ZNF324B: variants seen among roughly 807,000 people sequenced by gnomAD.
ZNF324B encodes zinc finger protein 324B.
ZNF324B carries 7 observed loss-of-function variants against 10.6 expected under a neutral mutation model. That is an observed-to-expected ratio of 0.66 (90% confidence interval 0.38 to 1.24). The LOEUF (loss-of-function observed/expected upper bound fraction) is 1.24, where lower values mean the gene tolerates loss of function less well. Among genes scored for constraint, ZNF324B ranks in the 50% most tolerant of loss-of-function variants. ZNF324B has a pLI of 0.02. For missense variants in ZNF324B, 640 were observed against 764.7 expected (o/e 0.84, Z 1.92); for synonymous variants, 316 against 321.0 (o/e 0.98, Z 0.17).
the ZNF324B span, chr19:58,434,389 C>T: frequency 1.9e-6 from 3 of 1,614,266 alleles, no homozygotes; most frequent in Admixed American, 3.3e-5. Flanking sequence ...GGCTTTCCCA[C>T]ATTCATCACA....
chr19:58,457,730 C>A lies in ZNF324B; in HGVS notation c.*1151C>A, dbSNP rs1249790465. The A allele has an allele frequency of 6.6e-6, 1 of 152,096 alleles. No homozygotes were observed. The highest frequency in any genetic ancestry group is 2.4e-5 in the African/African-American group (1 of 41,394). The allele number at this position is 152,096 out of a possible 1,614,324, so 9.4% of individuals were successfully genotyped here. A position where few individuals can be genotyped will look rare whatever the true frequency, so the allele number is the denominator to read the frequency against. On this transcript the variant is annotated 3_prime_UTR_variant, in exon 4 of 4. Transcript: ENST00000336614. ...TTCCTGTGGCCTTAAGCCTACTAGGCCCCATCCTTACCTGAGACCTCACCT... is the reference window on the plus strand; with the variant it reads ...TTCCTGTGGCCTTAAGCCTACTAGGACCCATCCTTACCTGAGACCTCACCT...
chr19:58,426,320 T>C, the ZNF324B span, among the ~76,000 whole-genome samples: 1 of 152,080 alleles, frequency 6.6e-6, no homozygotes, highest in Non-Finnish European at 1.5e-5. Flanking sequence ...GAAGCTCTGG[T>C]TAGTGGGTGT....
chr19:58,456,340 G>T lies in ZNF324B; in HGVS notation c.1396G>T (p.Ala466Ser), dbSNP rs778445537. The T allele has an allele frequency of 4.3e-6, 7 of 1,612,414 alleles. No individual in the cohort carries two copies. Among genetic ancestry groups the T allele is most frequent in the Admixed American group, 3.3e-5 (2 of 59,986 alleles). Residue 466 changes from alanine to serine, a missense_variant, in exon 4 of 4, where the codon GCC (alanine) becomes TCC (serine). Around this residue, in one of 3 missense-constraint regions of ZNF324B, gnomAD observed 238 missense variants for 258.0 expected, o/e 0.92. Coordinates refer to ENST00000336614, the MANE Select transcript of ZNF324B (RefSeq NM_207395.3). This position sits in a 1 kb window ranked among gnomAD's most constrained non-coding sequence, Gnocchi z 4.7. The stretch of plus-strand genomic sequence containing the variant: ...CTGTGGCAAGGGTTTCGCCAAGGGC[G>T]CCGTGCTGCTCAGCCACCGGCGCAT... ...VDCGKGFAKG[A>S]VLLSHRRIHT...
Position 58,455,095 on chromosome 19 carries a change from C to T in ZNF324B, c.239-88C>T, listed in dbSNP as rs1255184544. ...TTTCCCTAAGCTTTTGTCCCGGCTC[C>T]TGGGCTCCCCCTTGCCTGTCCACTC... On this transcript the variant is annotated intron_variant, in intron 3 of 3. Transcript: ENST00000336614. The surrounding 1 kb of genome is among the most constrained non-coding windows in gnomAD (Gnocchi z 7.0). 5 of 1,573,008 alleles carry T rather than the reference C, an allele frequency of 3.2e-6. No individual in the cohort carries two copies. The highest frequency in any genetic ancestry group is 1.7e-4 in the Middle Eastern group (1 of 5,938).
chr19:58,436,913 C>T, the ZNF324B span: 1 of 1,209,510 alleles, frequency 8.3e-7, no homozygotes, highest in South Asian at 1.2e-5. Flanking sequence ...AGAACCTCAG[C>T]ACCCCAGCAC....
chr19:58,433,408 C>G, the ZNF324B span: 9 of 1,614,194 alleles, frequency 5.6e-6, no homozygotes, highest in African/African-American at 5.3e-5. Context: ...AGTCCTTTCT[C>G]TGGTGTGAAC....
intron 1 of ZNF324B, 30 bp downstream of exon 1, chr19:58,451,734 C>G (rs2052859472): frequency 2.2e-6 from 1 of 449,028 alleles, no homozygotes; most frequent in Non-Finnish European, 4.3e-6. Context: ...GGCCGCGCCC[C>G]CAAGCCTCGG....
At position 58,455,548 on chromosome 19, in the gene ZNF324B, G is replaced by T; in HGVS notation, c.604G>T (p.Val202Phe). The change falls in exon 4 of 4, where the codon GTC becomes TTC. Residue 202 changes from valine to phenylalanine, a missense_variant. Val to Phe is a conservative substitution (Grantham distance 50). This residue lies in a region of ZNF324B where 345 missense variants were observed against 387.9 expected (regional missense o/e 0.89). Coordinates refer to ENST00000336614, the MANE Select transcript of ZNF324B (RefSeq NM_207395.3). This position sits in a 1 kb window ranked among gnomAD's most constrained non-coding sequence, Gnocchi z 7.0. ...GCGGCAGAAGCCATGTGCACAGGAG[G>T]TCCCTGGGAGAGCCTTCGGGAATGC... ...PERQKPCAQE[V>F]PGRAFGNASD... 6.2e-7 allele frequency: 1 copy of T among 1,614,118 alleles called. No individual in the cohort carries two copies. The highest frequency in any genetic ancestry group is 8.5e-7 in the Non-Finnish European group (1 of 1,180,024).
At chr19:58,431,728 A>C in the ZNF324B span, among the ~76,000 whole-genome samples, 2 of 152,348 alleles carry the variant, frequency 1.3e-5, no homozygotes, top group Non-Finnish European at 2.9e-5. Flanking sequence ...GCGGTGGCTC[A>C]TGCATGTAAT....
intron 2 of ZNF324B, 50 bp from the exon 3 acceptor site, chr19:58,454,178 G>A (rs374420326): frequency 1.0e-4 from 120 of 1,199,792 alleles, no homozygotes; most frequent in Non-Finnish European, 1.5e-4. Flanking sequence ...TCTGTTGGGA[G>A]GTGGGTTGTC....
chr19:58,454,863 G>C (rs1349301949), intron 3 of ZNF324B: 1 of 545,174 alleles, frequency 1.8e-6, no homozygotes, highest in Non-Finnish European at 3.3e-6. Context: ...AAGGGAGTGA[G>C]CTATGGAAAG....
At chr19:58,447,454 A>G (rs2052833058), upstream of ZNF324B, among the ~76,000 whole-genome samples, 1 of 152,254 alleles carries the variant, frequency 6.6e-6, no homozygotes, top group South Asian at 2.1e-4. Flanking sequence ...TTCATTAAGA[A>G]TGTTTCAAAC....
chr19:58,456,143 C>T lies in ZNF324B; in HGVS notation c.1199C>T (p.Ala400Val), dbSNP rs916924033. Residue 400 changes from alanine (A) to valine (V), a missense_variant, in exon 4 of 4, where the codon GCG becomes GTG. Around this residue, in one of 3 missense-constraint regions of ZNF324B, gnomAD observed 238 missense variants for 258.0 expected, o/e 0.92. Coordinates refer to ENST00000336614, the MANE Select transcript of ZNF324B (RefSeq NM_207395.3). The surrounding 1 kb of genome is among the most constrained non-coding windows in gnomAD (Gnocchi z 4.7). Reference protein sequence around the residue: ...THTGEKPFVCALCGAAFSQGS... With the variant: ...THTGEKPFVCVLCGAAFSQGS... ...ACAGGCGAGAAGCCCTTCGTATGCG[C>T]GCTCTGCGGTGCTGCCTTCAGCCAG... The T allele has an allele frequency of 1.9e-6, 3 of 1,613,496 alleles. No individual in the cohort carries two copies. Among genetic ancestry groups the T allele is most frequent in the Non-Finnish European group, 2.5e-6 (3 of 1,179,858 alleles).
chr19:58,449,565 G>T (rs1052382637), upstream of ZNF324B, among the ~76,000 whole-genome samples: 1 of 152,232 alleles, frequency 6.6e-6, no homozygotes, highest in Non-Finnish European at 1.5e-5. Flanking sequence ...AGCTGCAGCT[G>T]CCCAAGACCA....
the ZNF324B span, among the ~76,000 whole-genome samples, chr19:58,427,415 C>CTTTCTTTCTTTCTTTCTTTCT: frequency 7.0e-5 from 2 of 28,598 alleles, no homozygotes; most frequent in African/African-American, 1.9e-4. Flanking sequence ...TCCTTCCTTC[C>CTTTCTTTCTTTCTTTCTTTCT]TTCCTTCCTT....
At chr19:58,446,870 C>T (rs1340926714), upstream of ZNF324B, among the ~76,000 whole-genome samples, 2 of 151,578 alleles carry the variant, frequency 1.3e-5, no homozygotes, top group South Asian at 2.1e-4. Context: ...CCACTGCACC[C>T]GACCTCTCTC....
rs1599983310 is a variant in ZNF324B, at chr19:58,455,284, G to A, written c.340G>A (p.Asp114Asn). 3 of 1,614,202 alleles carry A rather than the reference G, an allele frequency of 1.9e-6. No individual in the cohort carries two copies. The highest frequency in any genetic ancestry group is 2.5e-6 in the Non-Finnish European group (3 of 1,180,036). ...GACTACTAGCGTCTTCCCAGTTGCC[G>A]ATGCCTGCCACAGTGTAAAAAGCCT... ...GMTTSVFPVADACHSVKSLQR... is the reference protein window; with the variant it reads ...GMTTSVFPVANACHSVKSLQR... The change falls in exon 4 of 4, where the codon GAT becomes AAT. Residue 114 changes from aspartate (D) to asparagine (N), a missense_variant. By Grantham distance (23) the Asp-to-Asn change is conservative. Coordinates refer to ENST00000336614, the MANE Select transcript of ZNF324B (RefSeq NM_207395.3). The surrounding 1 kb of genome is among the most constrained non-coding windows in gnomAD (Gnocchi z 7.0).
intron 1 of ZNF324B, chr19:58,452,765 C>T (rs927690968): frequency 1.8e-5 from 10 of 557,218 alleles, no homozygotes; most frequent in African/African-American, 1.6e-4. Context: ...GTCAGGCGTG[C>T]GGAGTTACAG....
In ZNF324B at chr19:58,453,807, C is replaced by T; in HGVS notation, c.106C>T (p.Leu36Phe). The change falls in exon 2 of 4, where the codon CTT (leucine) becomes TTT (phenylalanine). Residue 36 changes from leucine to phenylalanine, a missense_variant. Transcript: ENST00000336614. ...CCACGTGATGCTGGAAAACTTCACA[C>T]TTGTGACCTCACTTGGTAAGGCCCT... ...YRHVMLENFT[L>F]VTSLGLSTSR... 1.9e-6 allele frequency: 3 copies of T among 1,614,040 alleles called. No individual in the cohort carries two copies. Among genetic ancestry groups the T allele is most frequent in the Non-Finnish European group, 1.7e-6 (2 of 1,179,920 alleles).
Sources: allele counts gnomAD v4.1 joint callset (sites outside exome capture counted in the v4.1 genomes callset), GRCh38; gene constraint gnomAD v4.1.1; regional missense constraint gnomAD v4.1.1; non-coding constraint Gnocchi (gnomAD v3.1); transcripts MANE v1.5; gene names NCBI Gene and HGNC (gene_info 2026-07-23, HGNC 2026-07-21).